The following LRRC4C variants were observed in gnomAD, a reference collection of about 807,000 sequenced individuals.
The protein encoded by LRRC4C is leucine rich repeat containing 4C.
A neutral mutation model predicts 33.6 loss-of-function variants in LRRC4C; 5 were observed. That is an observed-to-expected ratio of 0.15 (90% CI 0.08 to 0.31). The LOEUF is 0.31. Ranked by LOEUF, LRRC4C falls within the 10% of genes least tolerant of loss-of-function variation. The pLI, the probability that LRRC4C is intolerant of heterozygous loss-of-function variation, is 1.00. For synonymous variants in LRRC4C, 329 were observed against 302.0 expected (o/e 1.09, Z -0.93); for missense variants, 560 against 796.7 (o/e 0.70, Z 3.58).
intron 3 of LRRC4C, among the ~76,000 whole-genome samples, chr11:40,355,905 C>T (rs1177548581): frequency 1.3e-5 from 2 of 150,126 alleles, no homozygotes; most frequent in Non-Finnish European, 3.0e-5. Flanking sequence ...TTTGCTTCAT[C>T]TCCTCCCTTG....
intron 3 of LRRC4C, among the ~76,000 whole-genome samples, chr11:40,512,407 C>A (rs1345404273): frequency 1.3e-5 from 2 of 151,870 alleles, no homozygotes; most frequent in African/African-American, 2.4e-5. Context: ...ATGAAAAAAC[C>A]AAAACCAAAA....
rs1376441264 is a variant in LRRC4C, at chr11:41,125,758, A to G, written c.-495-192035T>C. 3.3e-5 allele frequency among the ~76,000 whole-genome samples: 5 copies of G among 152,314 alleles called. No homozygotes were observed. The East Asian group carries it at 9.6e-4, about 29-fold the overall frequency. ...GGGAACAGTTCAACCCACAGCAAGG[A>G]CATTCTTTGTTGAAGAGGGAAGTTA... On this transcript the variant is annotated intron_variant, in intron 1 of 6. Transcript: ENST00000528697.
chr11:40,134,301 T>C (rs1318547496), intron 6 of LRRC4C, among the ~76,000 whole-genome samples: 2 of 152,150 alleles, frequency 1.3e-5, no homozygotes, highest in South Asian at 2.1e-4. Context: ...AGGGAATATA[T>C]GAAAGTAAAC....
intron 1 of LRRC4C, among the ~76,000 whole-genome samples, chr11:41,164,380 T>C (rs1307919693): frequency 6.6e-6 from 1 of 152,138 alleles, no homozygotes; most frequent in African/African-American, 2.4e-5. Context: ...ATGTCTTCTC[T>C]TCAGTACCTC....
chr11:40,901,999 TACACACACACACAC>T (rs369525560), intron 2 of LRRC4C, among the ~76,000 whole-genome samples: 6,011 of 139,818 alleles, frequency 0.043, 381 homozygotes, highest in African/African-American at 0.14. Context: ...TCTCTCTCTC[TACACACACACACAC>T]ACACACACAC....
intron 3 of LRRC4C, among the ~76,000 whole-genome samples, chr11:40,636,126 C>A (rs2136056445): frequency 6.6e-6 from 1 of 152,240 alleles, no homozygotes; most frequent in African/African-American, 2.4e-5. Flanking sequence ...GCGGGCCTGC[C>A]CCAGGTGAAG....
intron 3 of LRRC4C, among the ~76,000 whole-genome samples, chr11:40,576,354 T>C (rs1958192090): frequency 6.6e-6 from 1 of 152,214 alleles, no homozygotes; most frequent in Non-Finnish European, 1.5e-5. Flanking sequence ...GTCTTATTCT[T>C]ATGACGGCAA....
At chr11:40,200,130 G>A (rs945991769) in intron 5 of LRRC4C, among the ~76,000 whole-genome samples, 2 of 133,128 alleles carry the variant, frequency 1.5e-5, no homozygotes, top group African/African-American at 5.6e-5. Context: ...ATCACTTGAG[G>A]CCAGGAGTTC....
intron 2 of LRRC4C, among the ~76,000 whole-genome samples, chr11:40,818,291 A>G (rs1951786206): frequency 6.6e-6 from 1 of 152,096 alleles, no homozygotes; most frequent in Non-Finnish European, 1.5e-5. Flanking sequence ...TTAGTGTTTT[A>G]TTCCCACTAA....
At chr11:40,750,997 A>G (rs548867337) in intron 2 of LRRC4C, among the ~76,000 whole-genome samples, 2 of 152,276 alleles carry the variant, frequency 1.3e-5, no homozygotes, top group Admixed American at 1.3e-4. Context: ...CACCACATCA[A>G]TAGAATGAAG....
intron 1 of LRRC4C, among the ~76,000 whole-genome samples, chr11:41,199,596 C>G (rs1305500085): frequency 6.6e-6 from 1 of 151,836 alleles, no homozygotes; most frequent in Non-Finnish European, 1.5e-5. Context: ...TGTCAAACAC[C>G]CACTTTGGCT....
chr11:40,357,769 A>G (rs1313077897), intron 3 of LRRC4C, among the ~76,000 whole-genome samples: 1 of 152,152 alleles, frequency 6.6e-6, no homozygotes. Flanking sequence ...CAAAGCCTAC[A>G]ACGTATCCCT....
chr11:40,122,485 C>T (rs1855897387), intron 6 of LRRC4C, among the ~76,000 whole-genome samples: 1 of 152,094 alleles, frequency 6.6e-6, no homozygotes, highest in African/African-American at 2.4e-5. Flanking sequence ...TCAGCTCCCA[C>T]TTATAAGACA....
chr11:41,366,824 T>C (rs961392403), intron 1 of LRRC4C, among the ~76,000 whole-genome samples: 5 of 152,100 alleles, frequency 3.3e-5, no homozygotes, highest in African/African-American at 9.7e-5. Context: ...GGAGAAAGGA[T>C]TGATCTCAGA....
intron 3 of LRRC4C, among the ~76,000 whole-genome samples, chr11:40,540,883 T>G (rs1956680733): frequency 6.6e-6 from 1 of 152,154 alleles, no homozygotes; most frequent in African/African-American, 2.4e-5. Flanking sequence ...AAGCCACGTA[T>G]TAAATTTAAC....
chr11:40,249,329 C>T (rs951422214), intron 4 of LRRC4C, among the ~76,000 whole-genome samples: 1 of 151,918 alleles, frequency 6.6e-6, no homozygotes, highest in African/African-American at 2.4e-5. Flanking sequence ...GAGAGTGAGA[C>T]TCCATCTCAA....
intron 3 of LRRC4C, among the ~76,000 whole-genome samples, chr11:40,441,939 G>T (rs936149658): frequency 2.0e-5 from 3 of 152,066 alleles, no homozygotes; most frequent in Admixed American, 6.6e-5. Context: ...GAGGCGGGTG[G>T]ATCACCAGTT....
chr11:41,316,272 A>C (rs908677492), intron 1 of LRRC4C, among the ~76,000 whole-genome samples: 2 of 149,932 alleles, frequency 1.3e-5, no homozygotes, highest in African/African-American at 4.9e-5. Context: ...CAAAAAAAAA[A>C]AAAAAAACAA....
At chr11:40,337,637 T>C (rs898473672) in intron 3 of LRRC4C, among the ~76,000 whole-genome samples, 3 of 152,232 alleles carry the variant, frequency 2.0e-5, no homozygotes, top group Admixed American at 1.3e-4. Flanking sequence ...ATAATCTGTT[T>C]ACTCTTCTCC....
Sources: allele counts gnomAD v4.1 joint callset (sites outside exome capture counted in the v4.1 genomes callset), GRCh38; gene constraint gnomAD v4.1.1; transcripts MANE v1.5; gene names NCBI Gene and HGNC (gene_info 2026-07-23, HGNC 2026-07-21).